Variants in CTNNA2 observed in about 807,000 individuals in gnomAD.
CTNNA2 encodes the protein catenin alpha-2.
A neutral mutation model predicts 101.0 loss-of-function variants in CTNNA2; 42 were observed. The ratio of observed to expected loss-of-function variants is 0.42; its 90% confidence interval spans 0.32 to 0.54. The LOEUF (loss-of-function observed/expected upper bound fraction) is 0.54, where lower values mean the gene tolerates loss of function less well. Among genes scored for constraint, CTNNA2 ranks in the 20% least tolerant of loss-of-function variants. The probability of loss-of-function intolerance (pLI) is 0.14; values close to 1 mark genes in which losing one functional copy is unlikely to be tolerated. For synonymous variants in CTNNA2, 450 were observed against 456.4 expected, an observed-to-expected ratio of 0.99 and a Z score of 0.18; for missense variants, 871 against 1,223.1, an observed-to-expected ratio of 0.71 and a Z score of 4.29.
intron 2 of CTNNA2, among the ~76,000 whole-genome samples, chr2:79,198,336 G>T (rs1454687270): frequency 6.6e-6 from 1 of 152,076 alleles, no homozygotes; most frequent in Non-Finnish European, 1.5e-5. Context: ...GCATGGATTG[G>T]TTTTATAATA....
intron 1 of CTNNA2, among the ~76,000 whole-genome samples, chr2:79,539,255 T>C (rs980253685): frequency 3.3e-5 from 5 of 152,180 alleles, no homozygotes; most frequent in African/African-American, 7.2e-5. Context: ...GTAGCCTTTC[T>C]GATCTATTCA....
intron 6 of CTNNA2, among the ~76,000 whole-genome samples, chr2:79,889,417 G>T (rs114085390): frequency 0.013 from 2,003 of 152,160 alleles, 52 homozygotes; most frequent in African/African-American, 0.046. Flanking sequence ...TCATATGCAC[G>T]TATGATTAGC....
At chr2:80,503,582 A>C (rs1033367806) in intron 9 of CTNNA2, among the ~76,000 whole-genome samples, 10 of 152,150 alleles carry the variant, frequency 6.6e-5, no homozygotes, top group Non-Finnish European at 1.5e-4. Flanking sequence ...AAAAACAAAC[A>C]AACTTTTAAT....
At chr2:79,514,372 A>G (rs1273610351) in intron 1 of CTNNA2, among the ~76,000 whole-genome samples, 1 of 152,194 alleles carries the variant, frequency 6.6e-6, no homozygotes, top group African/African-American at 2.4e-5. Context: ...CCCACCTCGT[A>G]GGACCCCTGA....
chr2:79,957,035 A>G (rs1689287189), intron 7 of CTNNA2, among the ~76,000 whole-genome samples: 1 of 152,066 alleles, frequency 6.6e-6, no homozygotes, highest in African/African-American at 2.4e-5. Flanking sequence ...CCTTTTCAAC[A>G]TCCCCAGATC....
intron 7 of CTNNA2, among the ~76,000 whole-genome samples, chr2:80,225,710 A>AT (rs1044144173): frequency 3.3e-5 from 5 of 151,998 alleles, no homozygotes; most frequent in Admixed American, 6.6e-5. Flanking sequence ...TAGGATGATG[A>AT]TTTTTTTTCC....
At chr2:80,240,625 C>A (rs4146076) in intron 7 of CTNNA2, among the ~76,000 whole-genome samples, 15,079 of 151,966 alleles carry the variant, frequency 0.099, 1,655 homozygotes, top group African/African-American at 0.27. Context: ...CATTAATAAC[C>A]CCGGGAAAAA....
chr2:79,450,054 A>G (rs1164001325), intron 4 of CTNNA2, among the ~76,000 whole-genome samples: 1 of 151,996 alleles, frequency 6.6e-6, no homozygotes, highest in Non-Finnish European at 1.5e-5. Flanking sequence ...GATGTCTGAG[A>G]CCAAACAATT....
chr2:79,497,162 T>C (rs1671265225), intron 4 of CTNNA2, among the ~76,000 whole-genome samples: 1 of 152,216 alleles, frequency 6.6e-6, no homozygotes, highest in Admixed American at 6.5e-5. Context: ...CAGTCCCACA[T>C]GGCAGGGGCC....
chr2:79,747,058 T>A lies in CTNNA2; in HGVS notation c.298+2476T>A, dbSNP rs75947822. Among the ~76,000 whole-genome samples, 22 of 152,340 alleles carry A rather than the reference T, an allele frequency of 1.4e-4. 1 individual carries two copies. In the East Asian group the frequency reaches 4.2e-3, roughly 29 times the overall value. ...AGTACCTGGAAACACCAACCCTCCTTCCACACTAACAAATACTGTTCCCCT... is the reference window on the plus strand; with the variant it reads ...AGTACCTGGAAACACCAACCCTCCTACCACACTAACAAATACTGTTCCCCT... On this transcript the variant is annotated intron_variant, in intron 3 of 18. Transcript: ENST00000402739.
chr2:80,263,183 T>C (rs917809870), intron 7 of CTNNA2, among the ~76,000 whole-genome samples: 4 of 152,196 alleles, frequency 2.6e-5, no homozygotes, highest in Non-Finnish European at 5.9e-5. Context: ...ATTTGTTTTC[T>C]GTTTCACTTG....
intron 7 of CTNNA2, among the ~76,000 whole-genome samples, chr2:79,964,824 T>C (rs1212528317): frequency 6.6e-6 from 1 of 152,074 alleles, no homozygotes; most frequent in Non-Finnish European, 1.5e-5. Flanking sequence ...TCAGAAAAGG[T>C]GGGAATTAGA....
At chr2:79,659,011 A>C (rs1472996988) in intron 2 of CTNNA2, among the ~76,000 whole-genome samples, 4 of 152,002 alleles carry the variant, frequency 2.6e-5, no homozygotes, top group Non-Finnish European at 5.9e-5. Flanking sequence ...AAAAGTAATC[A>C]ATTTTCTCCC....
At chr2:80,232,153 C>G (rs927514771) in intron 7 of CTNNA2, among the ~76,000 whole-genome samples, 2 of 152,056 alleles carry the variant, frequency 1.3e-5, no homozygotes, top group Non-Finnish European at 2.9e-5. Flanking sequence ...CCAATGTATA[C>G]GTCACATGTA....
rs189648316 is a variant in CTNNA2 at position 79,829,438 on chromosome 2, C to T, written c.299-28575C>T. ...ACAGACACAAAGCCGGGCGAGATGG[C>T]GGGCGCCTGTAGTCCCAGCTACTCC... On this transcript the variant is annotated intron_variant, in intron 3 of 18. Transcript: ENST00000402739. Among the ~76,000 whole-genome samples the T allele has an allele frequency of 9.4e-3, 1,408 of 149,168 alleles. 34 individuals are homozygous for T. The highest frequency in any genetic ancestry group is 0.033 in the African/African-American group (1,319 of 40,418).
intron 7 of CTNNA2, among the ~76,000 whole-genome samples, chr2:79,945,176 G>C (rs1688412294): frequency 6.6e-6 from 1 of 151,958 alleles, no homozygotes; most frequent in East Asian, 1.9e-4. Context: ...CCAAGTAGCT[G>C]GGATTACAGG....
chr2:80,524,946 T>G (rs1689899837), intron 9 of CTNNA2, among the ~76,000 whole-genome samples: 1 of 152,204 alleles, frequency 6.6e-6, no homozygotes, highest in South Asian at 2.1e-4. Context: ...TTTAAGTTTT[T>G]ATTTACATAG....
rs117288937 is a variant in CTNNA2, at chr2:79,697,294, T to C, written c.102+45636T>C. On this transcript the variant is annotated intron_variant, in intron 2 of 18. Coordinates refer to ENST00000402739, the MANE Select transcript of CTNNA2 (RefSeq NM_001282597.3). The stretch of plus-strand genomic sequence containing the variant: ...TTGTAGAGCTGCCGTCTGAAGTCAG[T>C]CACTGCTACTTTAAACTTCCGTGCA... Among the ~76,000 whole-genome samples, 62 of 152,146 alleles carry C rather than the reference T, an allele frequency of 4.1e-4. No homozygotes were observed. The East Asian group carries it at 9.7e-3, about 24-fold the overall frequency.
At chr2:79,295,663 C>T (rs1675960722) in intron 2 of CTNNA2, among the ~76,000 whole-genome samples, 1 of 151,914 alleles carries the variant, frequency 6.6e-6, no homozygotes, top group Non-Finnish European at 1.5e-5. Flanking sequence ...GATGTGTTAG[C>T]TGGTCAATAG....
Sources: gnomAD v4.1 joint callset for allele counts (sites outside exome capture counted in the v4.1 genomes callset) on GRCh38, gnomAD v4.1.1 for gene constraint, MANE v1.5 for transcripts, NCBI Gene and HGNC (gene_info 2026-07-23, HGNC 2026-07-21) for gene names.